The following CUL4A variants were observed in gnomAD, a reference collection of about 807,000 sequenced individuals.
CUL4A encodes the protein cullin 4A.
In CUL4A, 16 loss-of-function variants were observed where a neutral mutation model predicts 95.5. The ratio of observed to expected loss-of-function variants is 0.17; its 90% CI spans 0.11 to 0.25. The LOEUF (loss-of-function observed/expected upper bound fraction) is 0.25, where lower values mean the gene tolerates loss of function less well. Ranked by LOEUF, CUL4A falls within the 10% of genes least tolerant of loss-of-function variation. CUL4A has a pLI of 1.00. For missense variants in CUL4A, 610 were observed against 937.0 expected (o/e 0.65, Z 4.56); for synonymous variants, 380 against 353.1 (o/e 1.08, Z -0.85).
At chr13:113,238,947 A>G (rs2041626959) in intron 9 of CUL4A, among the ~76,000 whole-genome samples, 1 of 152,242 alleles carries the variant, frequency 6.6e-6, no homozygotes, top group African/African-American at 2.4e-5. Context: ...AATCTAAAAC[A>G]CTGAAAGCTT....
intron 9 of CUL4A, among the ~76,000 whole-genome samples, chr13:113,237,241 G>A (rs1214637989): frequency 3.3e-5 from 5 of 152,174 alleles, no homozygotes; most frequent in Non-Finnish European, 5.9e-5. Context: ...ATGCACACTC[G>A]GATGTAGGGG....
rs1442425333 is a variant in CUL4A, at chr13:113,228,007, A to G, written c.400A>G (p.Lys134Glu). 2 of 1,613,776 alleles carry G rather than the reference A, an allele frequency of 1.2e-6. No individual in the cohort carries two copies. The change falls in exon 4 of 20, where the codon AAG becomes GAG. Residue 134 changes from lysine (K) to glutamate (E), a missense_variant. Transcript: ENST00000375440. ...DSLDSVLFLK[K>E]INTCWQDHCR... ...ACTAGATAGTGTTTTATTTTTAAAG[A>G]AGATTAACACGTGCTGGCAGGACCA...
chr13:113,233,659 A>C (rs956440014), intron 6 of CUL4A, among the ~76,000 whole-genome samples: 1 of 152,220 alleles, frequency 6.6e-6, no homozygotes, highest in Non-Finnish European at 1.5e-5. Flanking sequence ...CAACACACAC[A>C]AAAGACAAAG....
chr13:113,229,572 G>A (rs893164960), intron 5 of CUL4A, 53 bp downstream of exon 5: 44 of 1,449,316 alleles, frequency 3.0e-5, no homozygotes, highest in Middle Eastern at 3.9e-4. Flanking sequence ...GATGCTTTTC[G>A]TCCCGTTTGT....
chr13:113,250,524 TCA>T (rs2041967567), intron 15 of CUL4A, among the ~76,000 whole-genome samples: 1 of 152,214 alleles, frequency 6.6e-6, no homozygotes, highest in Non-Finnish European at 1.5e-5. Flanking sequence ...CTCATATGTT[TCA>T]GTCTTTGACC....
At chr13:113,248,621 C>G (rs932471310) in intron 15 of CUL4A, among the ~76,000 whole-genome samples, 1 of 152,138 alleles carries the variant, frequency 6.6e-6, no homozygotes, top group Non-Finnish European at 1.5e-5. Flanking sequence ...TCCTCAGTAT[C>G]CACGGGCTGT....
At chr13:113,259,516 C>T (rs1453745071) in intron 18 of CUL4A, among the ~76,000 whole-genome samples, 2 of 152,124 alleles carry the variant, frequency 1.3e-5, no homozygotes, top group African/African-American at 4.8e-5. Context: ...TGTTCAGATG[C>T]TTTTTTATTC....
intron 12 of CUL4A, among the ~76,000 whole-genome samples, 153 bp from the exon 13 acceptor site, chr13:113,244,796 C>T (rs774756771): frequency 1.3e-5 from 2 of 151,020 alleles, no homozygotes; most frequent in South Asian, 4.2e-4. Context: ...GCCGAGATCG[C>T]GCCACTGCAC....
chr13:113,265,239 G>C lies in CUL4A; in HGVS notation c.*1657G>C, dbSNP rs940512600. On this transcript the variant is annotated 3_prime_UTR_variant, in exon 20 of 20. Transcript: ENST00000375440. ...AGTGACAAGTGGGTCTTTTTTACTTGGACGATTCGTTGTGCTGTGCCTTTG... is the reference window on the plus strand; with the variant it reads ...AGTGACAAGTGGGTCTTTTTTACTTCGACGATTCGTTGTGCTGTGCCTTTG... The C allele has an allele frequency of 3.9e-5, 6 of 152,160 alleles. No homozygotes were observed. Among genetic ancestry groups the C allele is most frequent in the Non-Finnish European group, 7.3e-5 (5 of 68,046 alleles). The allele number at this position is 152,160 out of a possible 1,614,324, so 9.4% of individuals were successfully genotyped here.
intron 18 of CUL4A, among the ~76,000 whole-genome samples, chr13:113,257,521 G>C (rs1029300401): frequency 6.6e-6 from 1 of 152,186 alleles, no homozygotes; most frequent in African/African-American, 2.4e-5. Context: ...GAAGGTGCAA[G>C]GGGAGCAGGT....
At chr13:113,224,887 C>T (rs952977502) in intron 3 of CUL4A, among the ~76,000 whole-genome samples, 1 of 152,210 alleles carries the variant, frequency 6.6e-6, no homozygotes, top group African/African-American at 2.4e-5. Context: ...GAGGGTCGGC[C>T]TAGGGCTGTC....
At chr13:113,208,211 T>C, upstream of CUL4A, 7 of 1,535,174 alleles carry the variant, frequency 4.6e-6, no homozygotes, top group Non-Finnish European at 2.6e-6. Context: ...CGCATCCTGC[T>C]GGGAAACAGC....
intron 11 of CUL4A, chr13:113,244,105 G>A (rs1158408738): frequency 8.4e-6 from 2 of 238,950 alleles, no homozygotes; most frequent in Non-Finnish European, 1.6e-5. Context: ...GGGCAGTCAC[G>A]TCCTGAAACC....
intron 5 of CUL4A, 121 bp downstream of exon 5, chr13:113,229,640 A>C: frequency 1.3e-6 from 1 of 791,470 alleles, no homozygotes; most frequent in Non-Finnish European, 2.1e-6. Context: ...TCCTTTCTTC[A>C]GCCAAAATCA....
chr13:113,255,714 AC>A (rs2042104089), intron 18 of CUL4A, among the ~76,000 whole-genome samples: 1 of 152,144 alleles, frequency 6.6e-6, no homozygotes, highest in Admixed American at 6.5e-5. Context: ...TTTGAGGTTC[AC>A]CGTGTCTTTT....
At chr13:113,261,440 T>C (rs1245818483) in intron 19 of CUL4A, among the ~76,000 whole-genome samples, 1 of 152,168 alleles carries the variant, frequency 6.6e-6, no homozygotes, top group Non-Finnish European at 1.5e-5. Context: ...AAAGTTGAGA[T>C]GCACTAAATA....
chr13:113,212,520 T>C (rs1256997676), intron 2 of CUL4A, among the ~76,000 whole-genome samples: 1 of 152,202 alleles, frequency 6.6e-6, no homozygotes, highest in Non-Finnish European at 1.5e-5. Context: ...CAGTGGCTCA[T>C]GCCTGTAATC....
At chr13:113,209,188 A>AGCCCTCAGGAGGCGCGCGCCCCGGG (rs1441250362), upstream of CUL4A, among the ~76,000 whole-genome samples, 2 of 147,526 alleles carry the variant, frequency 1.4e-5, no homozygotes, top group South Asian at 4.3e-4. Context: ...GGGGGTGCCG[A>AGCCCTCAGGAGGCGCGCGCCCCGGG]GCCCTCAGGA....
intron 3 of CUL4A, 172 bp downstream of exon 3, chr13:113,219,220 G>A: frequency 2.0e-6 from 1 of 499,458 alleles, no homozygotes; most frequent in Non-Finnish European, 3.5e-6. Context: ...TTATTTTGCT[G>A]ATTTGAATTA....
Sources: gnomAD v4.1 joint callset for allele counts (sites outside exome capture counted in the v4.1 genomes callset) on GRCh38, gnomAD v4.1.1 for gene constraint, MANE v1.5 for transcripts, NCBI Gene and HGNC (gene_info 2026-07-23, HGNC 2026-07-21) for gene names.